The following R3HDM1 variants were observed in gnomAD, a reference collection of about 807,000 sequenced individuals.
R3HDM1 encodes R3H domain containing 1, also known as R3H domain-containing protein 1.
A neutral mutation model predicts 141.1 loss-of-function variants in R3HDM1; 46 were observed. The ratio of observed to expected loss-of-function variants is 0.33; its 90% CI spans 0.26 to 0.42. R3HDM1 has a LOEUF of 0.42. Among genes scored for constraint, R3HDM1 ranks in the 10% least tolerant of loss-of-function variants. R3HDM1 has a pLI of 1.00. For synonymous variants in R3HDM1, 435 were observed against 472.9 expected, an observed-to-expected ratio of 0.92 and a Z score of 1.04; for missense variants, 1,184 against 1,368.3, an observed-to-expected ratio of 0.87 and a Z score of 2.12.
At chr2:135,570,818 A>G (rs753848882) in intron 1 of R3HDM1, among the ~76,000 whole-genome samples, 2 of 152,146 alleles carry the variant, frequency 1.3e-5, no homozygotes, top group Non-Finnish European at 2.9e-5. Context: ...TTGCTCTTTT[A>G]TTTAGCTTTG....
chr2:135,544,634 T>G (rs1224292685), intron 1 of R3HDM1, among the ~76,000 whole-genome samples: 1 of 152,144 alleles, frequency 6.6e-6, no homozygotes, highest in African/African-American at 2.4e-5. Context: ...TGTTGAAGAA[T>G]GAAAGAAACT....
chr2:135,595,754 A>G (rs1710505914), intron 1 of R3HDM1, among the ~76,000 whole-genome samples: 1 of 152,192 alleles, frequency 6.6e-6, no homozygotes, highest in Non-Finnish European at 1.5e-5. Flanking sequence ...ATTACCTAGA[A>G]CAGTGCTCTG....
Position 135,680,283 on chromosome 2 carries a change from T to A in R3HDM1, c.2418T>A (p.Val806=), listed in dbSNP as rs1174980384. Residue 806 remains valine, a synonymous_variant, in exon 21 of 27, where the codon GTT becomes GTA. Transcript: ENST00000683871. ...QGSMPTTGMP[V]YYSVIPPGQQ... is the part of the protein sequence containing the mutation. Reference sequence around the variant, plus strand: ...CTATGCCCACAACAGGAATGCCTGTTTACTATAGTGTCATTCCACCTGGTC... The same window carrying A: ...CTATGCCCACAACAGGAATGCCTGTATACTATAGTGTCATTCCACCTGGTC... The A allele has an allele frequency of 6.2e-7, 1 of 1,613,950 alleles. No individual in the cohort carries two copies. Among genetic ancestry groups the A allele is most frequent in the Non-Finnish European group, 8.5e-7 (1 of 1,179,960 alleles).
At position 135,722,010 on chromosome 2, in the gene R3HDM1, G is replaced by T. The variant is rs778919999; in HGVS notation, c.2964+4G>T. 6.2e-7 allele frequency: 1 copy of T among 1,610,600 alleles called. No homozygotes were observed. Among genetic ancestry groups the T allele is most frequent in the African/African-American group, 1.3e-5 (1 of 74,876 alleles). On this transcript the variant is annotated splice_donor_region_variant and intron_variant, in intron 25 of 26. Transcript: ENST00000683871. ...CGGACACATTCCAAACCAACAGGTA[G>T]GAAAGACAACTAACCTCCTAGGCTT...
At chr2:135,723,117 TTTTA>T (rs968825855) in intron 26 of R3HDM1, among the ~76,000 whole-genome samples, 7 of 152,154 alleles carry the variant, frequency 4.6e-5, no homozygotes, top group South Asian at 2.1e-4. Flanking sequence ...ATTTTATTTT[TTTTA>T]TTTATTTATT....
At chr2:135,587,140 G>A (rs909065639) in intron 1 of R3HDM1, 3 of 389,018 alleles carry the variant, frequency 7.7e-6, no homozygotes, top group Admixed American at 6.4e-5. Context: ...TGTAATTTTT[G>A]AGGAGTATCT....
intron 5 of R3HDM1, among the ~76,000 whole-genome samples, chr2:135,618,828 T>A (rs1250769563): frequency 1.3e-5 from 2 of 152,036 alleles, no homozygotes; most frequent in Admixed American, 1.3e-4. Context: ...AAGACCAGCC[T>A]GGCCAACATG....
intron 18 of R3HDM1, among the ~76,000 whole-genome samples, chr2:135,655,883 A>G (rs2065817581): frequency 6.6e-6 from 1 of 152,170 alleles, no homozygotes; most frequent in African/African-American, 2.4e-5. Flanking sequence ...TTCTGCAAAA[A>G]AAGACCTTTG....
intron 1 of R3HDM1, among the ~76,000 whole-genome samples, chr2:135,547,767 CT>C (rs56950620): frequency 0.19 from 19,928 of 107,592 alleles, 2,149 homozygotes; most frequent in African/African-American, 0.44. Flanking sequence ...TTTTTCTTTT[CT>C]TTTTTTTTTT....
chr2:135,649,925 T>C lies in R3HDM1; in HGVS notation c.1647T>C (p.Ser549=). 7.7e-7 allele frequency: 1 copy of C among 1,291,194 alleles called. No homozygotes were observed. The highest frequency in any genetic ancestry group is 1.0e-6 in the Non-Finnish European group (1 of 982,246). 80.0% of individuals were successfully genotyped at this position (1,291,194 alleles called of 1,614,324 possible). A position where few individuals can be genotyped will look rare whatever the true frequency, so the allele number is the denominator to read the frequency against. Reference sequence around the variant, plus strand: ...AGCCTGTTCATCCTCTGCAGTCCTCTTCACAGCCTGTTCAGTACTCTACAG... The same window carrying C: ...AGCCTGTTCATCCTCTGCAGTCCTCCTCACAGCCTGTTCAGTACTCTACAG... ...FSQPVHPLQS[S]SQPVQYSTAP... The change falls in exon 17 of 27, where the codon TCT becomes TCC. Residue 549 remains serine (S), a synonymous_variant. Transcript: ENST00000683871.
chr2:135,602,789 G>GT, intron 2 of R3HDM1, 81 bp downstream of exon 2: 1 of 1,210,534 alleles, frequency 8.3e-7, no homozygotes, highest in Non-Finnish European at 1.1e-6. Flanking sequence ...AGTGTCTTAA[G>GT]TAACTTCACC....
intron 1 of R3HDM1, chr2:135,584,014 G>A (rs1574068913): frequency 1.0e-6 from 1 of 985,262 alleles, no homozygotes; most frequent in South Asian, 4.7e-5. Flanking sequence ...TAAGGTGCAA[G>A]CAAAAAGTTA....
chr2:135,569,889 G>A (rs1453410231), intron 1 of R3HDM1, among the ~76,000 whole-genome samples: 1 of 151,952 alleles, frequency 6.6e-6, no homozygotes, highest in Non-Finnish European at 1.5e-5. Context: ...AACATGCCTG[G>A]CTAATTTTTT....
intron 1 of R3HDM1, among the ~76,000 whole-genome samples, chr2:135,599,288 T>G (rs1280725701): frequency 6.6e-6 from 1 of 152,186 alleles, no homozygotes; most frequent in East Asian, 1.9e-4. Context: ...TTAGAATTTT[T>G]TTTTTGAAGT....
chr2:135,681,629 G>T (rs984186066), intron 21 of R3HDM1, among the ~76,000 whole-genome samples: 2 of 152,150 alleles, frequency 1.3e-5, no homozygotes, highest in East Asian at 3.9e-4. Context: ...TTCATAGGAC[G>T]TGTGTGCAGA....
chr2:135,675,479 C>A lies in R3HDM1; in HGVS notation c.2300C>A (p.Thr767Lys). 1 of 1,612,598 alleles carries A rather than the reference C, an allele frequency of 6.2e-7. No homozygotes were observed. The highest frequency in any genetic ancestry group is 2.2e-5 in the East Asian group (1 of 44,850). ...GTCATCCCCTATACTTCAGTGCCAA[C>A]ATATCAGGTATATTGTCTCTTTTAT... Reference protein sequence around the residue: ...GVVIPYTSVPTYQVSLPQGSQ... With the variant: ...GVVIPYTSVPKYQVSLPQGSQ... Residue 767 changes from threonine (T) to lysine (K), a missense_variant, in exon 20 of 27, where the codon ACA becomes AAA. By Grantham distance (78) the Thr-to-Lys change is moderately conservative (BLOSUM62 -1). Around this residue, in one of 5 missense-constraint regions of R3HDM1, gnomAD observed 563 missense variants for 562.0 expected, o/e 1.00. Transcript: ENST00000683871.
In R3HDM1 at chr2:135,542,330, A is replaced by T. The variant is rs184874224; in HGVS notation, c.-250+10697A>T. ...ACATTCATATATTTAACATAGTTCA[A>T]TTGTGTTATTTTTACTAAGCCATGT... On this transcript the variant is annotated intron_variant, in intron 1 of 26. Coordinates refer to ENST00000683871, the MANE Select transcript of R3HDM1 (RefSeq NM_001378107.1). Among the ~76,000 whole-genome samples the T allele has an allele frequency of 3.9e-5, 6 of 152,350 alleles. No homozygotes were observed. In the East Asian group the frequency reaches 1.2e-3, roughly 29 times the overall value.
chr2:135,696,956 G>A (rs927673091), intron 21 of R3HDM1, among the ~76,000 whole-genome samples: 2 of 152,260 alleles, frequency 1.3e-5, no homozygotes, highest in African/African-American at 4.8e-5. Context: ...TGTAAAACCT[G>A]TTACAGAGTC....
At chr2:135,678,564 A>G (rs1479823783) in intron 20 of R3HDM1, among the ~76,000 whole-genome samples, 1 of 151,704 alleles carries the variant, frequency 6.6e-6, no homozygotes, top group East Asian at 2.0e-4. Flanking sequence ...CCTGGCCAAC[A>G]TGGTGAAACC....
Sources: gnomAD v4.1 joint callset for allele counts (sites outside exome capture counted in the v4.1 genomes callset) on GRCh38, gnomAD v4.1.1 for gene constraint, gnomAD v4.1.1 regional missense constraint, MANE v1.5 for transcripts, NCBI Gene and HGNC (gene_info 2026-07-23, HGNC 2026-07-21) for gene names.